The following SCFD1 variants were observed in gnomAD, a reference collection of about 807,000 sequenced individuals.
The protein encoded by SCFD1 is sec1 family domain containing 1, also known as sec1 family domain-containing protein 1.
SCFD1 carries 37 observed loss-of-function variants against 103.2 expected under a neutral mutation model. The observed-to-expected ratio is 0.36, with a 90% confidence interval of 0.28 to 0.47. The LOEUF is 0.47. SCFD1 is among the 20% of genes least tolerant of loss of function. The pLI is 1.00. For missense variants in SCFD1, 639 were observed against 761.2 expected, an observed-to-expected ratio of 0.84 and a Z score of 1.89; for synonymous variants, 264 against 245.0, an observed-to-expected ratio of 1.08 and a Z score of -0.73.
At chr14:30,693,195 G>A (rs1267575760) in intron 14 of SCFD1, among the ~76,000 whole-genome samples, 1 of 152,112 alleles carries the variant, frequency 6.6e-6, no homozygotes, top group Non-Finnish European at 1.5e-5. Context: ...TCAGTGAAAG[G>A]AAAGGGCAGA....
At chr14:30,682,941 T>C (rs1175161547) in intron 14 of SCFD1, 1 of 457,184 alleles carries the variant, frequency 2.2e-6, no homozygotes, top group Non-Finnish European at 3.8e-6. Context: ...ACAAAAATAA[T>C]ATCACAGCTC....
At chr14:30,732,520 A>G (rs1027527738) in intron 23 of SCFD1, among the ~76,000 whole-genome samples, 1 of 152,192 alleles carries the variant, frequency 6.6e-6, no homozygotes, top group Non-Finnish European at 1.5e-5. Flanking sequence ...TTTGTCCTGA[A>G]TAATCCTAAT....
intron 3 of SCFD1, among the ~76,000 whole-genome samples, chr14:30,633,425 A>C (rs1449877398): frequency 6.6e-6 from 1 of 152,224 alleles, no homozygotes; most frequent in East Asian, 1.9e-4. Context: ...GATTGTCTTT[A>C]ATTTTTAAGG....
At chr14:30,674,059 C>A in intron 13 of SCFD1, 62 bp downstream of exon 13, 4 of 1,210,356 alleles carry the variant, frequency 3.3e-6, no homozygotes, top group Non-Finnish European at 4.7e-6. Flanking sequence ...TTTTATTTAA[C>A]TAAAAAATTG....
intron 23 of SCFD1, among the ~76,000 whole-genome samples, chr14:30,733,581 A>G (rs1379287427): frequency 1.3e-5 from 2 of 152,204 alleles, no homozygotes; most frequent in Admixed American, 6.5e-5. Flanking sequence ...ACCAGGATCC[A>G]TGGTGCTGAT....
At chr14:30,690,606 G>A (rs1035966798) in intron 14 of SCFD1, among the ~76,000 whole-genome samples, 3 of 144,624 alleles carry the variant, frequency 2.1e-5, no homozygotes, top group East Asian at 2.1e-4. Context: ...TTTTTGACTC[G>A]GAAAGGGAAC....
At position 30,672,148 on chromosome 14, in the gene SCFD1, CCAGTTCAACCCACACAT is replaced by C. The variant is rs555052920; in HGVS notation, c.996-1108_996-1092del. Reference sequence around the variant, plus strand: ...AGATATCAGAGATTTTGAGGATTATCCAGTTCAACCCACACATTTTACAGATAAAGCTAGGGCCCTGA... The same window carrying C: ...AGATATCAGAGATTTTGAGGATTATCTTTACAGATAAAGCTAGGGCCCTGA... On this transcript the variant is annotated intron_variant, in intron 11 of 24. Coordinates refer to ENST00000458591, the MANE Select transcript of SCFD1 (RefSeq NM_016106.4). Among the ~76,000 whole-genome samples the C allele has an allele frequency of 3.3e-5, 5 of 152,138 alleles. No individual in the cohort carries two copies. In the East Asian group the frequency reaches 9.6e-4, roughly 29 times the overall value.
chr14:30,712,485 T>C (rs1000649937), intron 19 of SCFD1, among the ~76,000 whole-genome samples: 11 of 152,248 alleles, frequency 7.2e-5, no homozygotes, highest in African/African-American at 2.7e-4. Context: ...TATAGAACTA[T>C]ATTATATTTC....
At chr14:30,629,534 G>A (rs962239217) in intron 2 of SCFD1, among the ~76,000 whole-genome samples, 2 of 150,304 alleles carry the variant, frequency 1.3e-5, no homozygotes, top group Admixed American at 6.6e-5. Context: ...GTGAGGAAGT[G>A]TATTTGATAG....
intron 19 of SCFD1, among the ~76,000 whole-genome samples, chr14:30,711,514 C>G (rs148761088): frequency 6.6e-6 from 1 of 152,064 alleles, no homozygotes; most frequent in African/African-American, 2.4e-5. Context: ...GGGAGGATCA[C>G]GTGAGCCTGG....
chr14:30,656,651 G>A (rs991549514), intron 10 of SCFD1, among the ~76,000 whole-genome samples: 1 of 152,036 alleles, frequency 6.6e-6, no homozygotes, highest in Non-Finnish European at 1.5e-5. Context: ...CTAGTTTTAG[G>A]AAAGAGGGCA....
intron 14 of SCFD1, among the ~76,000 whole-genome samples, chr14:30,684,326 T>C (rs905948792): frequency 5.3e-5 from 8 of 152,150 alleles, no homozygotes; most frequent in Admixed American, 5.2e-4. Flanking sequence ...GTCAGATAGG[T>C]TTTAAGATTA....
chr14:30,733,028 CAG>C (rs1438731005), intron 23 of SCFD1, among the ~76,000 whole-genome samples: 3 of 144,308 alleles, frequency 2.1e-5, no homozygotes, highest in Admixed American at 1.4e-4. Context: ...TTTTTTGAGA[CAG>C]AGTCTCATTC....
chr14:30,629,750 G>T (rs2138995469), intron 2 of SCFD1, among the ~76,000 whole-genome samples: 1 of 152,016 alleles, frequency 6.6e-6, no homozygotes. Flanking sequence ...GCTAATTTTT[G>T]TATTTTTAGT....
chr14:30,631,024 C>T (rs1884059074), intron 3 of SCFD1: 1 of 156,790 alleles, frequency 6.4e-6, no homozygotes, highest in African/African-American at 2.4e-5. Context: ...TTACATTGGC[C>T]TACAGTTGGG....
chr14:30,695,545 A>AT (rs1432749246), intron 15 of SCFD1, among the ~76,000 whole-genome samples: 4 of 152,034 alleles, frequency 2.6e-5, no homozygotes, highest in African/African-American at 7.2e-5. Flanking sequence ...ATATAAACGT[A>AT]TTTTTTACCA....
At chr14:30,643,842 T>C in intron 7 of SCFD1, 1 of 427,102 alleles carries the variant, frequency 2.3e-6, no homozygotes, top group Admixed American at 2.6e-5. Flanking sequence ...CTTCAAATTT[T>C]ATTTTTAATT....
intron 11 of SCFD1, 145 bp downstream of exon 11, chr14:30,670,540 A>G: frequency 5.7e-6 from 3 of 528,498 alleles, no homozygotes; most frequent in Non-Finnish European, 9.8e-6. Context: ...GTCTGTAGAT[A>G]TTTGTCTTTA....
At chr14:30,695,541 A>G (rs1375824233) in intron 15 of SCFD1, among the ~76,000 whole-genome samples, 1 of 152,072 alleles carries the variant, frequency 6.6e-6, no homozygotes, top group Non-Finnish European at 1.5e-5. Flanking sequence ...AAAAATATAA[A>G]CGTATTTTTT....
Sources: gnomAD v4.1 joint callset for allele counts (sites outside exome capture counted in the v4.1 genomes callset) on GRCh38, gnomAD v4.1.1 for gene constraint, MANE v1.5 for transcripts, NCBI Gene and HGNC (gene_info 2026-07-23, HGNC 2026-07-21) for gene names.